SLC12A2: variants seen among roughly 807,000 people sequenced by gnomAD.
SLC12A2 encodes solute carrier family 12 member 2.
SLC12A2 carries 67 observed loss-of-function variants against 136.3 expected under a neutral mutation model. That is an observed-to-expected ratio of 0.49 (90% CI 0.40 to 0.60). SLC12A2 has a LOEUF of 0.60. Ranked by LOEUF, SLC12A2 falls within the 20% of genes least tolerant of loss-of-function variation. The pLI is 0.00. For synonymous variants in SLC12A2, 619 were observed against 562.9 expected (o/e 1.10, Z -1.41); for missense variants, 1,322 against 1,534.7 (o/e 0.86, Z 2.32).
At chr5:128,133,445 A>G (rs1190905616) in intron 5 of SLC12A2, among the ~76,000 whole-genome samples, 2 of 152,134 alleles carry the variant, frequency 1.3e-5, no homozygotes. Context: ...AAGCATTAAC[A>G]AGATTGCTTT....
chr5:128,174,438 A>T (rs1763479290), intron 19 of SLC12A2, 103 bp from the exon 20 acceptor site: 1 of 838,620 alleles, frequency 1.2e-6, no homozygotes, highest in East Asian at 2.9e-5. Context: ...GCCATTTATA[A>T]TAAACTTATT....
In SLC12A2 at chr5:128,189,068, G is replaced by A. The variant is rs920399138; in HGVS notation, c.*2437G>A. The A allele has an allele frequency of 6.6e-6, 1 of 152,206 alleles. No individual in the cohort carries two copies. The highest frequency in any genetic ancestry group is 1.5e-5 in the Non-Finnish European group (1 of 67,994). 9.4% of individuals were successfully genotyped at this position (152,206 alleles called of 1,614,324 possible). A position where few individuals can be genotyped will look rare whatever the true frequency, so the allele number is the denominator to read the frequency against. On this transcript the variant is annotated 3_prime_UTR_variant, in exon 27 of 27. Coordinates refer to ENST00000262461, the MANE Select transcript of SLC12A2 (RefSeq NM_001046.3). ...TTCATAATGTGGGGTGGGTAATACT[G>A]TCTGTGAAATAATGTAAGAAGCTTT...
intron 1 of SLC12A2, among the ~76,000 whole-genome samples, chr5:128,100,192 A>G (rs1425409349): frequency 6.6e-6 from 1 of 152,142 alleles, no homozygotes; most frequent in Non-Finnish European, 1.5e-5. Flanking sequence ...TTATGGGACT[A>G]TTGTATATGC....
intron 4 of SLC12A2, among the ~76,000 whole-genome samples, chr5:128,127,327 T>G (rs1473369380): frequency 3.9e-5 from 6 of 151,902 alleles, no homozygotes; most frequent in Non-Finnish European, 8.8e-5. Context: ...TTCACCGTAT[T>G]AGCCAGGATG....
At chr5:128,156,383 G>A (rs1291222434) in intron 15 of SLC12A2, among the ~76,000 whole-genome samples, 6 of 151,980 alleles carry the variant, frequency 3.9e-5, no homozygotes, top group Non-Finnish European at 5.9e-5. Flanking sequence ...TCTTTATGCC[G>A]TGGAGAGTTT....
Position 128,149,993 on chromosome 5 carries a change from G to A in SLC12A2, c.2006-4G>A, listed in dbSNP as rs1303293380. On this transcript the variant is annotated splice_region_variant and splice_polypyrimidine_tract_variant and intron_variant, in intron 12 of 26. Transcript: ENST00000262461. ...AGTAAATCTCGCATGTGTTTGTTCT[G>A]CAGCTGAACTGAATGTTATTGCACC... The A allele has an allele frequency of 2.5e-6, 4 of 1,598,178 alleles. No individual in the cohort carries two copies. Among genetic ancestry groups the A allele is most frequent in the Non-Finnish European group, 3.4e-6 (4 of 1,167,992 alleles).
chr5:128,182,277 G>A (rs1346130215), intron 23 of SLC12A2, among the ~76,000 whole-genome samples: 1 of 151,998 alleles, frequency 6.6e-6, no homozygotes, highest in Admixed American at 6.5e-5. Context: ...CACCTGTTCT[G>A]TTGTTGCCAC....
chr5:128,110,772 C>T (rs1412842548), intron 1 of SLC12A2: 12 of 1,464,744 alleles, frequency 8.2e-6, no homozygotes, highest in Non-Finnish European at 1.1e-5. Flanking sequence ...CAAAAGATCA[C>T]AATGAAGAGG....
chr5:128,143,957 C>A (rs996235150), intron 10 of SLC12A2, among the ~76,000 whole-genome samples: 1 of 150,398 alleles, frequency 6.6e-6, no homozygotes, highest in Non-Finnish European at 1.5e-5. Context: ...TTTTAAGCAA[C>A]TGACTGTACT....
At chr5:128,135,428 AG>A (rs1487421260) in intron 6 of SLC12A2, among the ~76,000 whole-genome samples, 3 of 152,080 alleles carry the variant, frequency 2.0e-5, no homozygotes, top group African/African-American at 7.2e-5. Flanking sequence ...GTTTGTGGGA[AG>A]GCATGCACAT....
At chr5:128,186,122 G>A (rs866564667) in intron 26 of SLC12A2, among the ~76,000 whole-genome samples, 2 of 151,950 alleles carry the variant, frequency 1.3e-5, no homozygotes, top group Admixed American at 6.6e-5. Flanking sequence ...GCTTACCATC[G>A]TGTTACAGTT....
intron 9 of SLC12A2, among the ~76,000 whole-genome samples, chr5:128,139,609 A>G (rs77943028): frequency 4.9e-4 from 75 of 152,304 alleles, no homozygotes; most frequent in African/African-American, 1.8e-3. Context: ...AATTGTTTTC[A>G]TGGCAAAGAA....
intron 24 of SLC12A2, 51 bp from the exon 25 acceptor site, chr5:128,184,315 T>TA (rs775902949): frequency 1.7e-6 from 2 of 1,167,900 alleles, no homozygotes; most frequent in South Asian, 3.9e-5. Flanking sequence ...ATCTTCCTGT[T>TA]ATGTAACTTA....
rs34443073 is a variant in SLC12A2 at position 128,188,734 on chromosome 5, TAA to T, written c.*2122_*2123del. On this transcript the variant is annotated 3_prime_UTR_variant, in exon 27 of 27. Transcript: ENST00000262461. Reference sequence around the variant, plus strand: ...TAAGAAAATGAAGTAACTGATTTTCTAAAAAAAAAAAAAAAAAAAATTTCTAC... The same window carrying T: ...TAAGAAAATGAAGTAACTGATTTTCTAAAAAAAAAAAAAAAAAATTTCTAC... 642 of 135,262 alleles carry T rather than the reference TAA, an allele frequency of 4.7e-3. 3 individuals carry two copies. Among genetic ancestry groups the T allele is most frequent in the Middle Eastern group, 0.011 (3 of 270 alleles). The allele number at this position is 135,262 out of a possible 1,614,324, so 8.4% of individuals were successfully genotyped here.
intron 24 of SLC12A2, among the ~76,000 whole-genome samples, chr5:128,183,817 T>C (rs1168411356): frequency 6.6e-6 from 1 of 152,024 alleles, no homozygotes; most frequent in Non-Finnish European, 1.5e-5. Flanking sequence ...TTAGCTACTA[T>C]GGTAAAATTT....
At chr5:128,095,472 G>T (rs909120417) in intron 1 of SLC12A2, among the ~76,000 whole-genome samples, 3 of 152,040 alleles carry the variant, frequency 2.0e-5, no homozygotes, top group Non-Finnish European at 4.4e-5. Context: ...ATTTCTAAAA[G>T]AACCACCTGG....
chr5:128,093,761 T>A (rs1760422308), intron 1 of SLC12A2, among the ~76,000 whole-genome samples: 1 of 152,124 alleles, frequency 6.6e-6, no homozygotes, highest in South Asian at 2.1e-4. Flanking sequence ...AAAACCGCAA[T>A]GACTTTTGCA....
At position 128,084,100 on chromosome 5, in the gene SLC12A2, C is replaced by G; in HGVS notation, c.146C>G (p.Ala49Gly). Reference protein sequence around the residue: ...VPSVPEDAAPASRDGGGVRDE... With the variant: ...VPSVPEDAAPGSRDGGGVRDE... ...TCGGTGCCGGAGGATGCTGCGCCCGCGAGCCGGGACGGCGGCGGGGTCCGC... is the reference window on the plus strand; with the variant it reads ...TCGGTGCCGGAGGATGCTGCGCCCGGGAGCCGGGACGGCGGCGGGGTCCGC... The change falls in exon 1 of 27, where the codon GCG becomes GGG. Residue 49 changes from alanine to glycine, a missense_variant. By Grantham distance (60) the Ala-to-Gly change is moderately conservative. Around this residue, in one of 8 missense-constraint regions of SLC12A2, gnomAD observed 358 missense variants for 299.7 expected, o/e 1.19. Transcript: ENST00000262461. The surrounding 1 kb of genome is among the most constrained non-coding windows in gnomAD (Gnocchi z 5.6). 3.0e-6 allele frequency: 4 copies of G among 1,312,804 alleles called. No individual in the cohort carries two copies. Among genetic ancestry groups the G allele is most frequent in the Non-Finnish European group, 3.9e-6 (4 of 1,034,932 alleles). The allele number at this position is 1,312,804 out of a possible 1,614,324, so 81.3% of individuals were successfully genotyped here. A position where few individuals can be genotyped will look rare whatever the true frequency, so the allele number is the denominator to read the frequency against.
chr5:128,102,372 T>C (rs1760768461), intron 1 of SLC12A2, among the ~76,000 whole-genome samples: 1 of 152,024 alleles, frequency 6.6e-6, no homozygotes, highest in Non-Finnish European at 1.5e-5. Flanking sequence ...AAATAGCCAC[T>C]ACCCTGACTT....
Sources: gnomAD v4.1 joint callset for allele counts (sites outside exome capture counted in the v4.1 genomes callset) on GRCh38, gnomAD v4.1.1 for gene constraint, gnomAD v4.1.1 regional missense constraint, Gnocchi (gnomAD v3.1) non-coding constraint, MANE v1.5 for transcripts, NCBI Gene and HGNC (gene_info 2026-07-23, HGNC 2026-07-21) for gene names.